SATB1: variants seen among roughly 807,000 people sequenced by gnomAD.
SATB1 encodes DNA-binding protein SATB1.
Under a neutral mutation model 86.9 loss-of-function variants are expected in SATB1, and 11 were observed. The ratio of observed to expected loss-of-function variants is 0.13; its 90% CI spans 0.08 to 0.21. The LOEUF is 0.21. Among genes scored for constraint, SATB1 ranks in the 10% least tolerant of loss-of-function variants. The pLI, the probability that SATB1 is intolerant of heterozygous loss-of-function variation, is 1.00. For synonymous variants in SATB1, 357 were observed against 357.2 expected (o/e 1.00, Z 0.01); for missense variants, 551 against 937.6 (o/e 0.59, Z 5.39).
chr3:18,445,232 C>A (rs1176793592), intron 1 of SATB1: 1 of 982,010 alleles, frequency 1.0e-6, no homozygotes, highest in African/African-American at 1.8e-5. Flanking sequence ...GCGGTGGGAG[C>A]CTCGGCGGCC....
At chr3:18,351,645 A>T (rs908449752) in intron 10 of SATB1, 3 of 511,010 alleles carry the variant, frequency 5.9e-6, no homozygotes, top group South Asian at 5.4e-5. Context: ...GGTATTAATT[A>T]AAAAATAGGT....
At chr3:18,442,617 T>G (rs759494299), upstream of SATB1, among the ~76,000 whole-genome samples, 1 of 152,214 alleles carries the variant, frequency 6.6e-6, no homozygotes, top group East Asian at 1.9e-4. Flanking sequence ...CCAAGTTAAT[T>G]AAAGTATTTA....
upstream of SATB1, among the ~76,000 whole-genome samples, chr3:18,428,345 C>G (rs973252820): frequency 1.3e-5 from 2 of 152,294 alleles, no homozygotes; most frequent in Admixed American, 6.5e-5. Flanking sequence ...CATTAATCCA[C>G]GAATGGATTA....
At chr3:18,438,330 A>G (rs1699136366) in intron 1 of SATB1, among the ~76,000 whole-genome samples, 1 of 152,170 alleles carries the variant, frequency 6.6e-6, no homozygotes, top group African/African-American at 2.4e-5. Context: ...TTTTCTTTAA[A>G]TATTTCAAGA....
At chr3:18,351,775 G>A in intron 10 of SATB1, 1 of 566,476 alleles carries the variant, frequency 1.8e-6, no homozygotes, top group Non-Finnish European at 3.1e-6. Flanking sequence ...CTGTTGCTTT[G>A]GTGGCTGGGA....
At chr3:18,425,644 C>T (rs915669972), upstream of SATB1, among the ~76,000 whole-genome samples, 2 of 151,712 alleles carry the variant, frequency 1.3e-5, no homozygotes, top group African/African-American at 4.8e-5. Context: ...ACATTTATTA[C>T]ACACAATACC....
In SATB1 at chr3:18,393,979, TAAC is replaced by T. The variant is rs201429146; in HGVS notation, c.1206+480_1206+482del. Among the ~76,000 whole-genome samples the T allele has an allele frequency of 9.3e-4, 132 of 141,460 alleles. 1 individual carries two copies. Among genetic ancestry groups the T allele is most frequent in the African/African-American group, 3.4e-3 (130 of 38,222 alleles). The allele number at this position is 141,460 out of a possible 152,430, so 92.8% of individuals were successfully genotyped here. A position where few individuals can be genotyped will look rare whatever the true frequency, so the allele number is the denominator to read the frequency against. ...AAGTGGATTATTGCTTCCAAGGTGT[TAAC>T]AACAACAAACAACAACAACAACAAC... is the stretch of plus-strand genomic sequence containing the variant. On this transcript the variant is annotated intron_variant, in intron 7 of 10. Coordinates refer to ENST00000338745, the MANE Select transcript of SATB1 (RefSeq NM_002971.6).
rs1221603425 is a variant in SATB1 at position 18,421,965 on chromosome 3, CAGAT to C, written c.-24-978_-24-975del. On this transcript the variant is annotated intron_variant, in intron 1 of 10. Transcript: ENST00000338745. Reference sequence around the variant, plus strand: ...TTGTAATTAACTTCAAAAAAATTAACAGATAATTATTTTCAGTTATATATTAGAC... The same window carrying C: ...TTGTAATTAACTTCAAAAAAATTAACAATTATTTTCAGTTATATATTAGAC... 1.1e-3 allele frequency among the ~76,000 whole-genome samples: 170 copies of C among 151,812 alleles called. 3 individuals are homozygous for C. The highest frequency in any genetic ancestry group is 2.2e-4 in the Non-Finnish European group (15 of 67,896).
intron 5 of SATB1, among the ~76,000 whole-genome samples, chr3:18,398,657 T>C (rs1200888435): frequency 2.6e-5 from 4 of 152,156 alleles, no homozygotes; most frequent in African/African-American, 9.7e-5. Context: ...GAACTTCCAG[T>C]GAAGGATAAG....
chr3:18,415,810 T>G (rs956334744), intron 4 of SATB1, among the ~76,000 whole-genome samples, 197 bp downstream of exon 4: 14 of 151,754 alleles, frequency 9.2e-5, no homozygotes, highest in African/African-American at 1.7e-4. Flanking sequence ...TTTGTGTGTG[T>G]GGGGGGGGGG....
In SATB1 at chr3:18,420,543, T is replaced by C. The variant is rs915271806; in HGVS notation, c.211+214A>G. ...CCTTATTACCCAAAATGTTCCATGATTCCAGTCTACAGTAGAACGCTCCAC... is the reference window on the plus strand; with the variant it reads ...CCTTATTACCCAAAATGTTCCATGACTCCAGTCTACAGTAGAACGCTCCAC... On this transcript the variant is annotated intron_variant, in intron 2 of 10. Coordinates refer to ENST00000338745, the MANE Select transcript of SATB1 (RefSeq NM_002971.6). The C allele has an allele frequency of 4.5e-5, 25 of 560,328 alleles. No homozygotes were observed. In the African/African-American group the frequency reaches 4.7e-4, roughly 11 times the overall value. The allele number at this position is 560,328 out of a possible 1,614,324, so 34.7% of individuals were successfully genotyped here. A position where few individuals can be genotyped will look rare whatever the true frequency, so the allele number is the denominator to read the frequency against.
At chr3:18,355,064 C>T (rs570323126) in intron 9 of SATB1, among the ~76,000 whole-genome samples, 42 of 152,026 alleles carry the variant, frequency 2.8e-4, no homozygotes, top group East Asian at 2.1e-3. Flanking sequence ...TCAAGAAATG[C>T]GATGATTTTA....
intron 1 of SATB1, among the ~76,000 whole-genome samples, chr3:18,423,199 C>T (rs1460607633): frequency 6.6e-6 from 1 of 152,152 alleles, no homozygotes; most frequent in Non-Finnish European, 1.5e-5. Flanking sequence ...TTGAGTTACA[C>T]GTTACAACCC....
intron 8 of SATB1, among the ~76,000 whole-genome samples, chr3:18,381,238 C>T (rs772478255): frequency 4.3e-4 from 65 of 152,166 alleles, no homozygotes; most frequent in Non-Finnish European, 7.6e-4. Context: ...TTGAATCATG[C>T]TTTTAGATTT....
At chr3:18,421,065 G>A (rs981187656) in intron 1 of SATB1, 74 bp from the exon 2 acceptor site, 2 of 995,736 alleles carry the variant, frequency 2.0e-6, no homozygotes, top group African/African-American at 3.2e-5. Flanking sequence ...CTATGTAAAT[G>A]TTTTAGCTCT....
rs1694188690 is a variant in SATB1 at position 18,348,732 on chromosome 3, TTTC to T, written c.*435_*437del. ...TACAATAGAGTAACAAACTCTTTTT[TTTC>T]TTTTTTTTTTTTAAATAAGGGGCAA... On this transcript the variant is annotated 3_prime_UTR_variant, in exon 11 of 11. Coordinates refer to ENST00000338745, the MANE Select transcript of SATB1 (RefSeq NM_002971.6). 1 of 161,562 alleles carries T rather than the reference TTTC, an allele frequency of 6.2e-6. No individual in the cohort carries two copies. The highest frequency in any genetic ancestry group is 1.4e-5 in the Non-Finnish European group (1 of 73,762). 10.0% of individuals were successfully genotyped at this position (161,562 alleles called of 1,614,324 possible).
intron 8 of SATB1, among the ~76,000 whole-genome samples, chr3:18,378,533 T>C (rs1261322792): frequency 2.0e-5 from 3 of 152,188 alleles, no homozygotes; most frequent in Non-Finnish European, 4.4e-5. Context: ...ATCTGTAATA[T>C]GACAGCAACT....
At chr3:18,356,451 A>T (rs1412655977) in intron 9 of SATB1, among the ~76,000 whole-genome samples, 1 of 151,078 alleles carries the variant, frequency 6.6e-6, no homozygotes, top group East Asian at 1.9e-4. Flanking sequence ...GAGAAAATGC[A>T]GAATAACTGC....
intron 2 of SATB1, among the ~76,000 whole-genome samples, chr3:18,433,771 T>C (rs989107108): frequency 3.9e-5 from 6 of 152,118 alleles, no homozygotes; most frequent in African/African-American, 1.4e-4. Flanking sequence ...TCCAGTTACC[T>C]ATCTTGTAGG....
Sources: gnomAD v4.1 joint callset for allele counts (sites outside exome capture counted in the v4.1 genomes callset) on GRCh38, gnomAD v4.1.1 for gene constraint, MANE v1.5 for transcripts, NCBI Gene and HGNC (gene_info 2026-07-23, HGNC 2026-07-21) for gene names.